CSMD1: variants seen among roughly 807,000 people sequenced by gnomAD.
The protein encoded by CSMD1 is CUB and sushi domain-containing protein 1.
A neutral mutation model predicts 417.5 loss-of-function variants in CSMD1; 213 were observed. The observed-to-expected ratio is 0.51, with a 90% CI of 0.46 to 0.57. The LOEUF is 0.57. CSMD1 is among the 20% of genes least tolerant of loss of function. The probability of loss-of-function intolerance (pLI) is 0.00; values close to 1 mark genes in which losing one functional copy is unlikely to be tolerated. For missense variants in CSMD1, 6,923 were observed against 4,529.7 expected, an observed-to-expected ratio of 1.53 and a Z score of -15.17; for synonymous variants, 2,862 against 1,736.8, an observed-to-expected ratio of 1.65 and a Z score of -16.11.
At chr8:4,142,698 G>A (rs1803863715) in intron 3 of CSMD1, among the ~76,000 whole-genome samples, 1 of 151,118 alleles carries the variant, frequency 6.6e-6, no homozygotes, top group Non-Finnish European at 1.5e-5. Context: ...GGTGGCTGAG[G>A]TTTAGGGCAT....
intron 5 of CSMD1, among the ~76,000 whole-genome samples, chr8:3,983,288 G>T (rs1330793581): frequency 6.6e-6 from 1 of 151,770 alleles, no homozygotes; most frequent in Non-Finnish European, 1.5e-5. Context: ...CCACCACCAC[G>T]CCCGGCTAAT....
chr8:3,430,610 C>A (rs1237563975), intron 12 of CSMD1, among the ~76,000 whole-genome samples: 3 of 152,196 alleles, frequency 2.0e-5, no homozygotes, highest in African/African-American at 4.8e-5. Flanking sequence ...AGTTTGAGAC[C>A]AGCCTGTCCA....
chr8:4,213,022 A>T (rs988106318), intron 3 of CSMD1, among the ~76,000 whole-genome samples: 1 of 152,106 alleles, frequency 6.6e-6, no homozygotes, highest in Admixed American at 6.5e-5. Flanking sequence ...TCTTATTTTT[A>T]AAACTGAGTT....
At chr8:4,533,979 A>G (rs1796967079) in intron 2 of CSMD1, among the ~76,000 whole-genome samples, 1 of 150,708 alleles carries the variant, frequency 6.6e-6, no homozygotes, top group South Asian at 2.1e-4. Context: ...ACACTACAAG[A>G]GGGCAGATTT....
intron 5 of CSMD1, among the ~76,000 whole-genome samples, chr8:3,980,618 G>A (rs1322790900): frequency 6.6e-6 from 1 of 152,080 alleles, no homozygotes; most frequent in African/African-American, 2.4e-5. Flanking sequence ...CCCCAATGAT[G>A]CCTTACTTTT....
chr8:3,926,779 G>T (rs981756920), intron 5 of CSMD1, among the ~76,000 whole-genome samples: 1 of 132,952 alleles, frequency 7.5e-6, no homozygotes, highest in Non-Finnish European at 1.5e-5. Context: ...GCAGTGTCGT[G>T]ATCTCAGCTC....
intron 4 of CSMD1, among the ~76,000 whole-genome samples, chr8:4,016,550 G>A (rs536980802): frequency 6.6e-6 from 1 of 152,126 alleles, no homozygotes; most frequent in Admixed American, 6.5e-5. Flanking sequence ...GGAAAGAGGA[G>A]AAAAGATGAA....
chr8:3,894,393 T>C (rs1299331077), intron 5 of CSMD1, among the ~76,000 whole-genome samples: 2 of 152,298 alleles, frequency 1.3e-5, no homozygotes, highest in African/African-American at 2.4e-5. Flanking sequence ...ACATCCTTCA[T>C]GGCTTAGACA....
intron 68 of CSMD1, among the ~76,000 whole-genome samples, chr8:2,943,857 C>T (rs569286100): frequency 6.6e-6 from 1 of 152,200 alleles, no homozygotes; most frequent in African/African-American, 2.4e-5. Context: ...TTTCTTATTT[C>T]CAGAATTTAT....
At chr8:3,915,841 AT>A (rs1015139806) in intron 5 of CSMD1, among the ~76,000 whole-genome samples, 1 of 147,788 alleles carries the variant, frequency 6.8e-6, no homozygotes, top group African/African-American at 2.5e-5. Context: ...CATTTTACAT[AT>A]CACCCCAACT....
chr8:3,941,637 A>C (rs185677562), intron 5 of CSMD1, among the ~76,000 whole-genome samples: 1 of 152,298 alleles, frequency 6.6e-6, no homozygotes, highest in Admixed American at 6.5e-5. Context: ...TAATGAAAAA[A>C]ATTAAACTCT....
chr8:3,459,228 G>A (rs1816343031), intron 12 of CSMD1, among the ~76,000 whole-genome samples: 1 of 152,320 alleles, frequency 6.6e-6, no homozygotes, highest in South Asian at 2.1e-4. Flanking sequence ...GGGCACACGG[G>A]AGCCACAGGT....
chr8:3,298,081 A>G lies in CSMD1; in HGVS notation c.3950+9614T>C, dbSNP rs1159325962. On this transcript the variant is annotated intron_variant, in intron 25 of 69. Transcript: ENST00000635120. ...AATGGCTAAAATGAAAAAACAATCAATCCCATTGTTGGTTAGAAAGTGAAG... is the reference window on the plus strand; with the variant it reads ...AATGGCTAAAATGAAAAAACAATCAGTCCCATTGTTGGTTAGAAAGTGAAG... Among the ~76,000 whole-genome samples the G allele has an allele frequency of 3.9e-5, 6 of 152,154 alleles. No homozygotes were observed. The East Asian group carries it at 1.2e-3, about 29-fold the overall frequency.
chr8:3,487,443 T>C (rs923138451), intron 11 of CSMD1, among the ~76,000 whole-genome samples: 24 of 152,220 alleles, frequency 1.6e-4, no homozygotes, highest in Admixed American at 7.8e-4. Flanking sequence ...CCTCGTGATC[T>C]GCCCGCCTCG....
At chr8:3,959,275 G>A (rs146987403) in intron 5 of CSMD1, among the ~76,000 whole-genome samples, 338 of 152,328 alleles carry the variant, frequency 2.2e-3, no homozygotes, top group African/African-American at 7.8e-3. Flanking sequence ...CAAGGCAGGA[G>A]GACTTGAGGC....
intron 2 of CSMD1, among the ~76,000 whole-genome samples, chr8:4,461,741 A>AT (rs35226423): frequency 0.45 from 56,387 of 124,212 alleles, 12,860 homozygotes; most frequent in East Asian, 0.54. Context: ...TTATTTACTT[A>AT]TTTTTTTTTT....
chr8:3,129,864 C>T (rs1817700184), intron 41 of CSMD1, among the ~76,000 whole-genome samples: 1 of 152,024 alleles, frequency 6.6e-6, no homozygotes, highest in Non-Finnish European at 1.5e-5. Context: ...TGACACACAC[C>T]TGTAATCCCA....
intron 54 of CSMD1, among the ~76,000 whole-genome samples, chr8:2,981,764 G>A (rs1358160480): frequency 6.6e-6 from 1 of 152,164 alleles, no homozygotes. Context: ...AAAGGTAAAA[G>A]AAGAAATTAA....
chr8:3,742,284 C>A (rs537017479), intron 6 of CSMD1, among the ~76,000 whole-genome samples: 7 of 152,144 alleles, frequency 4.6e-5, no homozygotes, highest in East Asian at 1.9e-4. Flanking sequence ...GTAAACATAA[C>A]GTTCATACAA....
Sources: gnomAD v4.1 joint callset for allele counts (sites outside exome capture counted in the v4.1 genomes callset) on GRCh38, gnomAD v4.1.1 for gene constraint, MANE v1.5 for transcripts, NCBI Gene and HGNC (gene_info 2026-07-23, HGNC 2026-07-21) for gene names.